The following CTIF variants were observed in gnomAD, a reference collection of about 807,000 sequenced individuals.
The protein encoded by CTIF is CBP80/20-dependent translation initiation factor.
Under a neutral mutation model 66.0 loss-of-function variants are expected in CTIF, and 21 were observed. The ratio of observed to expected loss-of-function variants is 0.32; its 90% CI spans 0.23 to 0.46. The LOEUF (loss-of-function observed/expected upper bound fraction) is 0.46. Ranked by LOEUF, CTIF falls within the 20% of genes least tolerant of loss-of-function variation. The pLI is 1.00. For synonymous variants in CTIF, 345 were observed against 326.4 expected (o/e 1.06, Z -0.62); for missense variants, 739 against 812.7 (o/e 0.91, Z 1.10).
intron 7 of CTIF, among the ~76,000 whole-genome samples, chr18:48,732,122 G>C (rs1464295458): frequency 6.6e-6 from 1 of 152,198 alleles, no homozygotes; most frequent in Non-Finnish European, 1.5e-5. Context: ...CTGCAGCAGT[G>C]CATTCACCTG....
chr18:48,582,246 C>T (rs957670796), intron 1 of CTIF, among the ~76,000 whole-genome samples: 11 of 151,846 alleles, frequency 7.2e-5, no homozygotes, highest in Admixed American at 3.9e-4. Flanking sequence ...CTTGGCAAGG[C>T]GGCAGGGGGC....
At chr18:48,680,980 C>G (rs768569268) in intron 6 of CTIF, among the ~76,000 whole-genome samples, 2 of 152,218 alleles carry the variant, frequency 1.3e-5, no homozygotes, top group Non-Finnish European at 2.9e-5. Context: ...GACAGGGCTA[C>G]GTGCTCTCCA....
chr18:48,591,974 G>A (rs937138789), intron 1 of CTIF, among the ~76,000 whole-genome samples: 27 of 152,270 alleles, frequency 1.8e-4, no homozygotes, highest in African/African-American at 5.5e-4. Flanking sequence ...CTGGTCTCAA[G>A]TTCCTGGCTG....
At chr18:48,630,376 A>C (rs557222155) in intron 2 of CTIF, among the ~76,000 whole-genome samples, 1 of 152,332 alleles carries the variant, frequency 6.6e-6, no homozygotes, top group East Asian at 1.9e-4. Context: ...GTCGCTTAGA[A>C]GTTTGAAATT....
chr18:48,566,220 TGTG>T (rs2089277255), intron 1 of CTIF: 1 of 151,976 alleles, frequency 6.6e-6, no homozygotes, highest in Non-Finnish European at 1.5e-5. Flanking sequence ...CAAGAGAAAG[TGTG>T]GTGTGTAAGG....
intron 1 of CTIF, among the ~76,000 whole-genome samples, chr18:48,581,300 C>T (rs1375230841): frequency 1.3e-5 from 2 of 151,962 alleles, no homozygotes; most frequent in African/African-American, 4.8e-5. Context: ...ACTTATCTGC[C>T]CTGTGTCGAA....
intron 1 of CTIF, among the ~76,000 whole-genome samples, chr18:48,559,137 C>T (rs2089091019): frequency 6.6e-6 from 1 of 152,112 alleles, no homozygotes; most frequent in Non-Finnish European, 1.5e-5. Flanking sequence ...TCCTAACTAT[C>T]ATCTTTTATC....
intron 9 of CTIF, among the ~76,000 whole-genome samples, chr18:48,771,460 C>T (rs1350661144): frequency 6.6e-6 from 1 of 152,214 alleles, no homozygotes; most frequent in Non-Finnish European, 1.5e-5. Context: ...CTCCCTCTCG[C>T]TTCTGGGCCA....
intron 10 of CTIF, among the ~76,000 whole-genome samples, chr18:48,848,554 T>C (rs972015893): frequency 4.6e-5 from 7 of 152,206 alleles, no homozygotes; most frequent in Non-Finnish European, 8.8e-5. Flanking sequence ...GGATGGACAC[T>C]GCACCCCTCA....
intron 10 of CTIF, among the ~76,000 whole-genome samples, chr18:48,822,318 C>T (rs1463941793): frequency 2.6e-5 from 4 of 152,212 alleles, no homozygotes; most frequent in East Asian, 3.9e-4. Context: ...TCCATCACCT[C>T]GAGTATTTAT....
chr18:48,782,166 C>T (rs550736536), intron 9 of CTIF, among the ~76,000 whole-genome samples: 153 of 151,782 alleles, frequency 1.0e-3, no homozygotes, highest in Non-Finnish European at 1.8e-3. Flanking sequence ...CCAGGGCAGG[C>T]GTGGAGGGTG....
At chr18:48,774,932 C>A (rs1043702892) in intron 9 of CTIF, among the ~76,000 whole-genome samples, 5 of 151,926 alleles carry the variant, frequency 3.3e-5, no homozygotes, top group Non-Finnish European at 7.4e-5. Flanking sequence ...GCATGGACCC[C>A]ATTAGGCAAC....
intron 10 of CTIF, among the ~76,000 whole-genome samples, chr18:48,833,847 GGGA>G (rs1555701786): frequency 1.3e-5 from 2 of 152,208 alleles, no homozygotes; most frequent in Non-Finnish European, 1.5e-5. Context: ...ACAGGCAAGA[GGGA>G]AGGTCTTTAT....
At chr18:48,849,582 CTTTTTTTTTT>C (rs377281281) in intron 10 of CTIF, among the ~76,000 whole-genome samples, 1 of 114,438 alleles carries the variant, frequency 8.7e-6, no homozygotes, top group Non-Finnish European at 1.7e-5. Context: ...CCATTTTAAA[CTTTTTTTTTT>C]TTTTTTTTTT....
intron 9 of CTIF, among the ~76,000 whole-genome samples, chr18:48,785,300 A>G (rs573541517): frequency 1.3e-5 from 2 of 152,224 alleles, no homozygotes; most frequent in Non-Finnish European, 2.9e-5. Flanking sequence ...TGGTTGCTCT[A>G]AGTGGCTACA....
intron 9 of CTIF, 138 bp from the exon 10 acceptor site, chr18:48,817,083 C>A: frequency 2.5e-6 from 2 of 806,816 alleles, no homozygotes; most frequent in Non-Finnish European, 3.9e-6. Flanking sequence ...AATCACGCAC[C>A]CCCATCCTCA....
chr18:48,633,086 C>T (rs1290015602), intron 2 of CTIF, among the ~76,000 whole-genome samples: 2 of 132,922 alleles, frequency 1.5e-5, no homozygotes, highest in African/African-American at 5.1e-5. Flanking sequence ...AAGGTGTGTC[C>T]CCCGTGAGTC....
chr18:48,620,920 G>GCCC (rs1361370091), intron 2 of CTIF, among the ~76,000 whole-genome samples: 18 of 151,988 alleles, frequency 1.2e-4, no homozygotes, highest in Non-Finnish European at 1.9e-4. Flanking sequence ...TGAAGCCACA[G>GCCC]TAATCCCATG....
intron 2 of CTIF, 101 bp from the exon 3 acceptor site, chr18:48,636,513 C>A: frequency 3.8e-6 from 3 of 785,230 alleles, no homozygotes; most frequent in South Asian, 3.3e-5. Context: ...ATTCCACAGT[C>A]ATGCTAATGG....
Sources: gnomAD v4.1 joint callset for allele counts (sites outside exome capture counted in the v4.1 genomes callset) on GRCh38, gnomAD v4.1.1 for gene constraint, MANE v1.5 for transcripts, NCBI Gene and HGNC (gene_info 2026-07-23, HGNC 2026-07-21) for gene names.